INTS1: variants seen among roughly 807,000 people sequenced by gnomAD.
INTS1 encodes integrator complex subunit 1.
A neutral mutation model predicts 241.6 loss-of-function variants in INTS1; 137 were observed. The ratio of observed to expected loss-of-function variants is 0.57; its 90% CI spans 0.49 to 0.65. INTS1 has a LOEUF of 0.65. Among genes scored for constraint, INTS1 ranks in the 30% least tolerant of loss-of-function variants. INTS1 has a pLI of 0.00. For missense variants in INTS1, 3,073 were observed against 3,032.2 expected, an observed-to-expected ratio of 1.01 and a Z score of -0.32; for synonymous variants, 1,692 against 1,337.8, an observed-to-expected ratio of 1.26 and a Z score of -5.78.
chr7:1,503,158 C>A lies in INTS1; in HGVS notation c.92G>T (p.Gly31Val). ...HPPPGDFIAL[G>V]SKGQANESKT... ...CGATTCATTGGCCTGACCCTTTGAG[C>A]CCAGAGCAATGAAGTCTCCTGGGGG... Residue 31 changes from glycine to valine, a missense_variant, in exon 3 of 48, where the codon GGC (glycine) becomes GTC (valine). By Grantham distance (109) the Gly-to-Val change is moderately radical (BLOSUM62 -3). Coordinates refer to ENST00000404767, the MANE Select transcript of INTS1 (RefSeq NM_001080453.3). 1 of 1,562,696 alleles carries A rather than the reference C, an allele frequency of 6.4e-7. No homozygotes were observed. Among genetic ancestry groups the A allele is most frequent in the South Asian group, 1.2e-5 (1 of 84,830 alleles).
At chr7:1,504,035 C>G in intron 1 of INTS1, 34 bp from the exon 2 acceptor site, 1 of 1,114,494 alleles carries the variant, frequency 9.0e-7, no homozygotes, top group Non-Finnish European at 1.3e-6. Context: ...CATTCCTTCA[C>G]TCATTCGCTC....
At chr7:1,492,477 T>C (rs1284439524) in intron 16 of INTS1, among the ~76,000 whole-genome samples, 1 of 152,190 alleles carries the variant, frequency 6.6e-6, no homozygotes, top group African/African-American at 2.4e-5. Flanking sequence ...TGGGGTTCTC[T>C]TGGGGGAACC....
intron 25 of INTS1, 34 bp downstream of exon 25, chr7:1,483,969 G>A (rs745494276): frequency 2.4e-5 from 38 of 1,594,818 alleles, no homozygotes; most frequent in South Asian, 1.7e-4. Context: ...AGACCTCCTC[G>A]CCCTCACCCG....
intron 18 of INTS1, among the ~76,000 whole-genome samples, chr7:1,489,140 C>G (rs994812703): frequency 2.0e-5 from 3 of 152,228 alleles, no homozygotes; most frequent in Non-Finnish European, 2.9e-5. Flanking sequence ...CCGCCTCAAT[C>G]CACACCCCCT....
chr7:1,481,810 G>A lies in INTS1; in HGVS notation c.3704-322C>T, dbSNP rs1415359696. Among the ~76,000 whole-genome samples the A allele has an allele frequency of 2.0e-5, 3 of 151,366 alleles. No homozygotes were observed. Among genetic ancestry groups the A allele is most frequent in the Admixed American group, 2.0e-4 (3 of 15,240 alleles). On this transcript the variant is annotated intron_variant, in intron 27 of 47. Transcript: ENST00000404767. The surrounding 1 kb of genome is among the most constrained non-coding windows in gnomAD (Gnocchi z 6.8). The stretch of plus-strand genomic sequence containing the variant: ...CCACGTGGGCTCGGTGACCCCACCC[G>A]AGACCTGGGGCCGCACAAGGGGGCA...
rs538147485 is a variant in INTS1 at position 1,498,480 on chromosome 7, C to T, written c.1357G>A (p.Ala453Thr). 16 of 1,613,810 alleles carry T rather than the reference C, an allele frequency of 9.9e-6. No individual in the cohort carries two copies. The highest frequency in any genetic ancestry group is 2.7e-5 in the African/African-American group (2 of 74,912). ...KLVIFNELSS[A>T]RNPNNMQVLY... ...ACCTGCATGTTGTTCGGGTTCCGGG[C>T]GCTGGAGAGCTCATTGAAGATCACC... Residue 453 changes from alanine (A) to threonine (T), a missense_variant, in exon 10 of 48, where the codon GCC (alanine) becomes ACC (threonine). Coordinates refer to ENST00000404767, the MANE Select transcript of INTS1 (RefSeq NM_001080453.3).
At chr7:1,495,012 G>A in intron 13 of INTS1, 119 bp from the exon 14 acceptor site, 1 of 1,184,336 alleles carries the variant, frequency 8.4e-7, no homozygotes, top group Non-Finnish European at 1.2e-6. Flanking sequence ...GGGCTGCCTG[G>A]TGCCCAAGCT....
rs767452491 is a variant in INTS1 at position 1,500,275 on chromosome 7, C to T, written c.441G>A (p.Lys147=). 6.2e-7 allele frequency: 1 copy of T among 1,600,532 alleles called. No individual in the cohort carries two copies. Among genetic ancestry groups the T allele is most frequent in the South Asian group, 1.1e-5 (1 of 88,774 alleles). The change falls in exon 4 of 48, where the codon AAG becomes AAA. Residue 147 remains lysine, a synonymous_variant. Coordinates refer to ENST00000404767, the MANE Select transcript of INTS1 (RefSeq NM_001080453.3). ...GCTTGGCGCGGGTGACCTTCAGCTGCTTCACGGCCCCGCACAGCACGCCCT... is the reference window on the plus strand; with the variant it reads ...GCTTGGCGCGGGTGACCTTCAGCTGTTTCACGGCCCCGCACAGCACGCCCT... ...RIEGVLCGAV[K]QLKVTRAKPD...
chr7:1,487,819 C>T lies in INTS1; in HGVS notation c.2457G>A (p.Lys819=). Residue 819 remains lysine, a synonymous_variant, in exon 19 of 48, where the codon AAG becomes AAA. Coordinates refer to ENST00000404767, the MANE Select transcript of INTS1 (RefSeq NM_001080453.3). Reference sequence around the variant, plus strand: ...GGCTGCTGCTCTCAGTGATGGTCTGCTTGGTGGACGCGGCCGCCAGGTGCC... The same window carrying T: ...GGCTGCTGCTCTCAGTGATGGTCTGTTTGGTGGACGCGGCCGCCAGGTGCC... ...FEGHLAAAST[K]QTITESSSLL... is the part of the protein sequence containing the mutation. 1 of 1,612,786 alleles carries T rather than the reference C, an allele frequency of 6.2e-7. No individual in the cohort carries two copies. Among genetic ancestry groups the T allele is most frequent in the Non-Finnish European group, 8.5e-7 (1 of 1,179,840 alleles).
intron 24 of INTS1, among the ~76,000 whole-genome samples, chr7:1,484,406 G>A (rs546977954): frequency 3.3e-5 from 5 of 152,188 alleles, no homozygotes; most frequent in African/African-American, 1.2e-4. Flanking sequence ...CCCTGAAAGC[G>A]GACGCTGCTG....
Position 1,491,155 on chromosome 7 carries a change from G to A in INTS1, c.2166-1473C>T, listed in dbSNP as rs116748278. 4.0e-3 allele frequency among the ~76,000 whole-genome samples: 604 copies of A among 152,352 alleles called. 3 individuals are homozygous for A. The highest frequency in any genetic ancestry group is 0.014 in the African/African-American group (564 of 41,580). On this transcript the variant is annotated intron_variant, in intron 16 of 47. Transcript: ENST00000404767. ...AAAACGGGAGGAGGGCTTCGGGAGC[G>A]TGGGGCAGCCCCAGCGTCCTAGGTA...
chr7:1,473,474 T>G (rs1781569056), intron 42 of INTS1, 92 bp downstream of exon 42: 2 of 1,453,782 alleles, frequency 1.4e-6, no homozygotes, highest in African/African-American at 2.8e-5. Context: ...GCAGCATATC[T>G]GACACGACAC....
chr7:1,485,384 T>C lies in INTS1; in HGVS notation c.3062A>G (p.Asp1021Gly). 6.2e-7 allele frequency: 1 copy of C among 1,612,738 alleles called. No individual in the cohort carries two copies. Among genetic ancestry groups the C allele is most frequent in the Admixed American group, 1.7e-5 (1 of 60,018 alleles). Residue 1021 changes from aspartate to glycine, a missense_variant, in exon 23 of 48, where the codon GAT becomes GGT. Transcript: ENST00000404767. Reference sequence around the variant, plus strand: ...CAGCCACTGATAGCCCTGCAGCACATCTGTGTCCCCCACATCCTCCTCCAT... The same window carrying C: ...CAGCCACTGATAGCCCTGCAGCACACCTGTGTCCCCCACATCCTCCTCCAT... ...PPMEEDVGDT[D>G]VLQGYQWLLR...
chr7:1,495,615 C>A, intron 12 of INTS1, 62 bp from the exon 13 acceptor site: 1 of 1,553,844 alleles, frequency 6.4e-7, no homozygotes, highest in South Asian at 1.2e-5. Context: ...GCTAAGGCAC[C>A]CCTGGGGGTC....
In INTS1 at chr7:1,493,426, T is replaced by G. The variant is rs1219985364; in HGVS notation, c.2069-320A>C. 1.1e-4 allele frequency among the ~76,000 whole-genome samples: 17 copies of G among 152,094 alleles called. No homozygotes were observed. The highest frequency in any genetic ancestry group is 1.1e-3 in the Admixed American group (17 of 15,286). On this transcript the variant is annotated intron_variant, in intron 15 of 47. Transcript: ENST00000404767. The surrounding 1 kb of genome is among the most constrained non-coding windows in gnomAD (Gnocchi z 5.3). ...GCAGAGCCACGGACGAGGCGCGAGCTGGATTTACAATCATTCTACCTGTCG... is the reference window on the plus strand; with the variant it reads ...GCAGAGCCACGGACGAGGCGCGAGCGGGATTTACAATCATTCTACCTGTCG...
At chr7:1,503,254 C>T in intron 2 of INTS1, 63 bp from the exon 3 acceptor site, 2 of 1,464,414 alleles carry the variant, frequency 1.4e-6, no homozygotes, top group East Asian at 2.3e-5. Flanking sequence ...AAAAGACTGA[C>T]TCTAACCTCC....
In INTS1 at chr7:1,473,704, A is replaced by G. The variant is rs1175259049; in HGVS notation, c.5830-11T>C. The G allele has an allele frequency of 1.2e-6, 2 of 1,612,626 alleles. No individual in the cohort carries two copies. Among genetic ancestry groups the G allele is most frequent in the African/African-American group, 1.3e-5 (1 of 74,938 alleles). ...GGACTTCCTGTAATTCTGCAAAGCA[A>G]AAGCGGCACCCTCGAGCTGCTCTGC... On this transcript the variant is annotated splice_polypyrimidine_tract_variant and intron_variant, in intron 41 of 47. Transcript: ENST00000404767.
rs745307793 is a variant in INTS1 at position 1,499,965 on chromosome 7, G to A, written c.603C>T (p.Asn201=). The A allele has an allele frequency of 9.9e-6, 16 of 1,613,570 alleles. No homozygotes were observed. In the East Asian group the frequency reaches 3.3e-4, roughly 34 times the overall value. ...DASINFKAKG[N]SLVSVLACNL... ...TACAGGCCAGCACAGACACCAGGCT[G>A]TTCCCCTTGGCCTTGAAGTTGATGG... is the stretch of plus-strand genomic sequence containing the variant. Residue 201 remains asparagine, a synonymous_variant, in exon 5 of 48, where the codon AAC becomes AAT. Coordinates refer to ENST00000404767, the MANE Select transcript of INTS1 (RefSeq NM_001080453.3).
chr7:1,485,087 T>A lies in INTS1; in HGVS notation c.3261+11A>T, dbSNP rs370544923. 3 of 1,488,406 alleles carry A rather than the reference T, an allele frequency of 2.0e-6. No homozygotes were observed. Among genetic ancestry groups the A allele is most frequent in the Non-Finnish European group, 2.7e-6 (3 of 1,118,438 alleles). 92.2% of individuals were successfully genotyped at this position (1,488,406 alleles called of 1,614,324 possible). On this transcript the variant is annotated intron_variant, in intron 24 of 47. Transcript: ENST00000404767. ...CCAGGGCCACACTGCTGGCTGACCC[T>A]GCTGCCTCACCAGGGCCAGGTCGCT... is the stretch of plus-strand genomic sequence containing the variant.
Sources: gnomAD v4.1 joint callset for allele counts (sites outside exome capture counted in the v4.1 genomes callset) on GRCh38, gnomAD v4.1.1 for gene constraint, Gnocchi (gnomAD v3.1) non-coding constraint, MANE v1.5 for transcripts, NCBI Gene and HGNC (gene_info 2026-07-23, HGNC 2026-07-21) for gene names.